Variants in ADAMTS18 observed in about 807,000 individuals in gnomAD.
ADAMTS18 encodes ADAM metallopeptidase with thrombospondin type 1 motif 18.
ADAMTS18 carries 157 observed loss-of-function variants against 165.9 expected under a neutral mutation model. That is an observed-to-expected ratio of 0.95 (90% CI 0.83 to 1.08). The LOEUF (loss-of-function observed/expected upper bound fraction) is 1.08. Among genes scored for constraint, ADAMTS18 ranks in the 50% least tolerant of loss-of-function variants. ADAMTS18 has a pLI of 0.00. For synonymous variants in ADAMTS18, 782 were observed against 578.2 expected, an observed-to-expected ratio of 1.35 and a Z score of -5.06; for missense variants, 2,040 against 1,534.0, an observed-to-expected ratio of 1.33 and a Z score of -5.51.
intron 6 of ADAMTS18, among the ~76,000 whole-genome samples, chr16:77,362,533 T>C (rs560658910): frequency 2.0e-5 from 3 of 152,356 alleles, no homozygotes; most frequent in Admixed American, 2.0e-4. Flanking sequence ...TTTGTTCATC[T>C]TACCTAGTAC....
At chr16:77,359,238 T>G in intron 8 of ADAMTS18, 80 bp downstream of exon 8, 1 of 1,255,374 alleles carries the variant, frequency 8.0e-7, no homozygotes, top group Non-Finnish European at 1.1e-6. Context: ...TCTGCCTAAG[T>G]CAACAACAAC....
chr16:77,343,069 ACTTT>A (rs2056422981), intron 10 of ADAMTS18, among the ~76,000 whole-genome samples: 1 of 142,552 alleles, frequency 7.0e-6, no homozygotes, highest in Non-Finnish European at 1.5e-5. Context: ...TTTAGACCTT[ACTTT>A]CTTTTTTTTT....
Position 77,326,033 on chromosome 16 carries a change from T to A in ADAMTS18, c.1865A>T (p.Gln622Leu). 1 of 1,613,732 alleles carries A rather than the reference T, an allele frequency of 6.2e-7. No individual in the cohort carries two copies. The highest frequency in any genetic ancestry group is 1.1e-5 in the South Asian group (1 of 91,084). ...ACCTGGACAGAATAAGCCACCATAC[T>A]GAGGCCTGAAAATGAAATTAATGAA... ...QERHCNNPKP[Q>L]YGGLFCPGSS... The change falls in exon 13 of 23, where the codon CAG becomes CTG. Residue 622 changes from glutamine (Q) to leucine (L), a missense_variant. By Grantham distance (113) the Gln-to-Leu change is moderately radical. Coordinates refer to ENST00000282849, the MANE Select transcript of ADAMTS18 (RefSeq NM_199355.4).
chr16:77,338,419 T>C (rs1177928463), intron 11 of ADAMTS18, among the ~76,000 whole-genome samples: 1 of 151,688 alleles, frequency 6.6e-6, no homozygotes, highest in African/African-American at 2.4e-5. Context: ...GTATTTTTAG[T>C]AGAGATGGAA....
In ADAMTS18 at chr16:77,341,708, C is replaced by G. The variant is rs2056399968; in HGVS notation, c.1706G>C (p.Ser569Thr). ...ACTAACAAGTATGCAGTTTACCATA[C>G]TCAAGCCACAAACGGTCCCTTCTGC... Reference protein sequence around the residue: ...PAAEGTVCGLSMWCRQGQCVK... With the variant: ...PAAEGTVCGLTMWCRQGQCVK... Residue 569 changes from serine to threonine, a missense_variant, in exon 11 of 23, where the codon AGT (serine) becomes ACT (threonine). Coordinates refer to ENST00000282849, the MANE Select transcript of ADAMTS18 (RefSeq NM_199355.4). 2 of 1,612,926 alleles carry G rather than the reference C, an allele frequency of 1.2e-6. No homozygotes were observed. Among genetic ancestry groups the G allele is most frequent in the South Asian group, 2.2e-5 (2 of 90,876 alleles).
At chr16:77,378,834 G>A (rs17687984) in intron 3 of ADAMTS18, 1 of 152,166 alleles carries the variant, frequency 6.6e-6, no homozygotes, top group African/African-American at 2.4e-5. Context: ...GAGGGAACAA[G>A]AAGTCAAGAA....
Position 77,282,341 on chromosome 16 carries a change from CTTGCTGTT to C in ADAMTS18, c.*1607_*1614del, listed in dbSNP as rs2055161894. ...AAATGATAATTATATAAAGAAATAA[CTTGCTGTT>C]TTTCAGAAGGCAACGGGGTTGTAGT... is the stretch of plus-strand genomic sequence containing the variant. On this transcript the variant is annotated 3_prime_UTR_variant, in exon 23 of 23. Coordinates refer to ENST00000282849, the MANE Select transcript of ADAMTS18 (RefSeq NM_199355.4). 6.6e-6 allele frequency: 1 copy of C among 151,756 alleles called. No homozygotes were observed. 9.4% of individuals were successfully genotyped at this position (151,756 alleles called of 1,614,324 possible).
intron 16 of ADAMTS18, among the ~76,000 whole-genome samples, chr16:77,304,411 T>C (rs1014667068): frequency 5.3e-5 from 8 of 151,838 alleles, no homozygotes; most frequent in South Asian, 2.1e-4. Flanking sequence ...CAGTGAGCTA[T>C]AGTCACACCA....
rs574344428 is a variant in ADAMTS18, at chr16:77,395,305, C to A, written c.496-27582G>T. ...AAACCAGTAAGGTCCTTAGGACTGG[C>A]CTCTGAAAACCTCTGCAGCCTGTCA... On this transcript the variant is annotated intron_variant, in intron 3 of 22. Coordinates refer to ENST00000282849, the MANE Select transcript of ADAMTS18 (RefSeq NM_199355.4). Among the ~76,000 whole-genome samples, 3 of 152,262 alleles carry A rather than the reference C, an allele frequency of 2.0e-5. No individual in the cohort carries two copies. In the South Asian group the frequency reaches 6.2e-4, roughly 32 times the overall value.
At chr16:77,397,551 T>C (rs1346579078) in intron 3 of ADAMTS18, among the ~76,000 whole-genome samples, 1 of 152,248 alleles carries the variant, frequency 6.6e-6, no homozygotes, top group Non-Finnish European at 1.5e-5. Context: ...TTTGGAGTCA[T>C]TAACACAGTG....
intron 12 of ADAMTS18, among the ~76,000 whole-genome samples, chr16:77,328,140 A>C (rs1012505102): frequency 9.9e-5 from 15 of 152,160 alleles, no homozygotes; most frequent in African/African-American, 3.4e-4. Flanking sequence ...CAAGCTCTTT[A>C]AGATCTTGGT....
At chr16:77,401,467 A>T (rs1179308657) in intron 3 of ADAMTS18, among the ~76,000 whole-genome samples, 1 of 152,226 alleles carries the variant, frequency 6.6e-6, no homozygotes, top group African/African-American at 2.4e-5. Flanking sequence ...CAGAACATTT[A>T]AATAATTTGC....
At chr16:77,408,464 C>CA (rs1419271210) in intron 3 of ADAMTS18, among the ~76,000 whole-genome samples, 1 of 151,742 alleles carries the variant, frequency 6.6e-6, no homozygotes, top group Non-Finnish European at 1.5e-5. Context: ...TGTCTGTCAA[C>CA]AAAAAAATAG....
In ADAMTS18 at chr16:77,431,373, C is replaced by T. The variant is rs1183877172; in HGVS notation, c.417G>A (p.Glu139=). 1 of 1,614,094 alleles carries T rather than the reference C, an allele frequency of 6.2e-7. No individual in the cohort carries two copies. The highest frequency in any genetic ancestry group is 1.1e-5 in the South Asian group (1 of 91,074). ...ATCCCTGATAGAAGCATTGCTGCAC[C>T]TCGGGTTTCTGAGTCTCTGAAGCAC... The part of the protein sequence containing the change: ...KDGASETQKP[E]VQQCFYQGFI... The change falls in exon 3 of 23, where the codon GAG becomes GAA. Residue 139 remains glutamate (E), a synonymous_variant. Transcript: ENST00000282849.
At chr16:77,389,877 G>C (rs2057162441) in intron 3 of ADAMTS18, among the ~76,000 whole-genome samples, 1 of 152,186 alleles carries the variant, frequency 6.6e-6, no homozygotes, top group Admixed American at 6.5e-5. Context: ...GTAAAAAGTG[G>C]TAGATTGTTT....
intron 9 of ADAMTS18, 53 bp from the exon 10 acceptor site, chr16:77,353,939 A>G (rs2056592809): frequency 1.2e-6 from 2 of 1,607,152 alleles, no homozygotes; most frequent in East Asian, 2.2e-5. Context: ...TGATCTTTCC[A>G]TTTACGACAA....
Position 77,312,052 on chromosome 16 carries a change from T to A in ADAMTS18, c.2532+7797A>T, listed in dbSNP as rs1235444603. ...TATCCAATTGAACCTGGGGAAGACT[T>A]CGTTTTTATGATTTTATTTAGATCT... is the stretch of plus-strand genomic sequence containing the variant. On this transcript the variant is annotated intron_variant, in intron 16 of 22. Coordinates refer to ENST00000282849, the MANE Select transcript of ADAMTS18 (RefSeq NM_199355.4). Among the ~76,000 whole-genome samples, 4 of 152,246 alleles carry A rather than the reference T, an allele frequency of 2.6e-5. No individual in the cohort carries two copies. The East Asian group carries it at 7.7e-4, about 29-fold the overall frequency.
intron 12 of ADAMTS18, among the ~76,000 whole-genome samples, chr16:77,335,250 A>C (rs1486799875): frequency 6.6e-6 from 1 of 150,576 alleles, no homozygotes; most frequent in African/African-American, 2.5e-5. Flanking sequence ...CAAATATTGT[A>C]TCTTCTCCCA....
At chr16:77,293,430 A>G (rs79836995) in intron 19 of ADAMTS18, among the ~76,000 whole-genome samples, 172 bp from the exon 20 acceptor site, 2,545 of 152,070 alleles carry the variant, frequency 0.017, 68 homozygotes, top group African/African-American at 0.058. Context: ...CCCACCATAC[A>G]TATCTGGCTA....
Sources: allele counts gnomAD v4.1 joint callset (sites outside exome capture counted in the v4.1 genomes callset), GRCh38; gene constraint gnomAD v4.1.1; transcripts MANE v1.5; gene names NCBI Gene and HGNC (gene_info 2026-07-23, HGNC 2026-07-21).